The following RB1 variants were observed in gnomAD, a reference collection of about 807,000 sequenced individuals.
RB1 encodes RB transcriptional corepressor 1.
RB1 carries 18 observed loss-of-function variants against 135.4 expected under a neutral mutation model. The observed-to-expected ratio is 0.13, with a 90% CI of 0.09 to 0.20. The LOEUF (loss-of-function observed/expected upper bound fraction) is 0.20, where lower values mean the gene tolerates loss of function less well. Among genes scored for constraint, RB1 ranks in the 10% least tolerant of loss-of-function variants. The probability of loss-of-function intolerance (pLI) is 1.00; values close to 1 mark genes in which losing one functional copy is unlikely to be tolerated. For synonymous variants in RB1, 365 were observed against 373.2 expected (o/e 0.98, Z 0.25); for missense variants, 868 against 1,110.0 (o/e 0.78, Z 3.10).
At chr13:48,323,411 CTTT>C (rs1952258396) in intron 2 of RB1, among the ~76,000 whole-genome samples, 1 of 151,644 alleles carries the variant, frequency 6.6e-6, no homozygotes, top group Non-Finnish European at 1.5e-5. Flanking sequence ...AGCCTTCTCT[CTTT>C]TATCTTGGTC....
intron 6 of RB1, among the ~76,000 whole-genome samples, chr13:48,350,625 C>T (rs1297936641): frequency 6.6e-6 from 1 of 152,114 alleles, no homozygotes; most frequent in Non-Finnish European, 1.5e-5. Flanking sequence ...TGGTTTGTTA[C>T]ATAGGTAAAC....
chr13:48,464,265 T>A (rs56002510), intron 21 of RB1, among the ~76,000 whole-genome samples: 29 of 152,298 alleles, frequency 1.9e-4, no homozygotes, highest in African/African-American at 7.0e-4. Context: ...AGAGAAATAG[T>A]AGTAGTAAAA....
chr13:48,416,923 G>T (rs1340530065), intron 17 of RB1, among the ~76,000 whole-genome samples: 1 of 152,176 alleles, frequency 6.6e-6, no homozygotes, highest in Non-Finnish European at 1.5e-5. Context: ...CCAGTCAGGG[G>T]CTTATAGATA....
intron 17 of RB1, among the ~76,000 whole-genome samples, chr13:48,449,723 C>CT (rs1949314375): frequency 6.6e-6 from 1 of 151,726 alleles, no homozygotes; most frequent in African/African-American, 2.4e-5. Context: ...GACCCTGTCT[C>CT]TTAAAAAAAA....
intron 17 of RB1, among the ~76,000 whole-genome samples, chr13:48,418,051 A>G (rs1948943155): frequency 6.6e-6 from 1 of 152,186 alleles, no homozygotes; most frequent in Non-Finnish European, 1.5e-5. Context: ...ATACTCCTCA[A>G]GAAGAGCAAC....
intron 17 of RB1, chr13:48,411,892 T>C (rs1948813132): frequency 6.2e-7 from 1 of 1,613,648 alleles, no homozygotes; most frequent in South Asian, 1.1e-5. Flanking sequence ...AGATATGTTT[T>C]CCATGTGGCT....
chr13:48,356,892 T>C (rs1458705382), intron 6 of RB1, among the ~76,000 whole-genome samples: 1 of 152,074 alleles, frequency 6.6e-6, no homozygotes, highest in Non-Finnish European at 1.5e-5. Context: ...GAAGGACAGC[T>C]TTGTCATGTA....
intron 17 of RB1, among the ~76,000 whole-genome samples, chr13:48,396,384 C>A (rs957404278): frequency 2.0e-5 from 3 of 152,142 alleles, no homozygotes; most frequent in African/African-American, 7.2e-5. Context: ...TTGACAAAAA[C>A]AACCAATGGG....
Position 48,433,599 on chromosome 13 carries a change from C to T in RB1, c.1696-19394C>T, listed in dbSNP as rs80038026. ...AAATGAAACCATTTTTTATAACTTA[C>T]ACCAAATATTATGACAAAAGCATAA... On this transcript the variant is annotated intron_variant, in intron 17 of 26. Coordinates refer to ENST00000267163, the MANE Select transcript of RB1 (RefSeq NM_000321.3). Among the ~76,000 whole-genome samples the T allele has an allele frequency of 5.1e-3, 778 of 151,936 alleles. 7 individuals are homozygous for T. Among genetic ancestry groups the T allele is most frequent in the African/African-American group, 0.018 (747 of 41,502 alleles).
chr13:48,357,343 C>T (rs1045341299), intron 6 of RB1, among the ~76,000 whole-genome samples: 14 of 151,826 alleles, frequency 9.2e-5, no homozygotes, highest in African/African-American at 3.4e-4. Context: ...CCATTTTGAG[C>T]TAAACTATTT....
chr13:48,424,834 C>T (rs1949056805), intron 17 of RB1, among the ~76,000 whole-genome samples: 1 of 152,140 alleles, frequency 6.6e-6, no homozygotes, highest in South Asian at 2.1e-4. Context: ...GGGCAGACCT[C>T]TTGAGGTCAG....
intron 17 of RB1, among the ~76,000 whole-genome samples, chr13:48,450,648 C>G (rs1211131121): frequency 2.6e-5 from 4 of 152,164 alleles, no homozygotes; most frequent in African/African-American, 4.8e-5. Context: ...TATTTGCGCT[C>G]TTTTTTGATT....
intron 19 of RB1, among the ~76,000 whole-genome samples, chr13:48,457,156 A>G (rs1566234384): frequency 6.6e-6 from 1 of 152,168 alleles, no homozygotes; most frequent in East Asian, 1.9e-4. Flanking sequence ...TGAGCAATAG[A>G]ACAGCTTAGA....
intron 6 of RB1, among the ~76,000 whole-genome samples, chr13:48,356,196 C>A (rs551358763): frequency 6.6e-6 from 1 of 151,692 alleles, no homozygotes; most frequent in African/African-American, 2.4e-5. Flanking sequence ...TACTATGTAC[C>A]CACAAAAATT....
rs1220408288 is a variant in RB1 at position 48,409,612 on chromosome 13, C to T, written c.1695+28169C>T. Among the ~76,000 whole-genome samples, 3 of 114,988 alleles carry T rather than the reference C, an allele frequency of 2.6e-5. 1 individual carries two copies. Among genetic ancestry groups the T allele is most frequent in the African/African-American group, 1.0e-4 (3 of 29,626 alleles). The allele number at this position is 114,988 out of a possible 152,430, so 75.4% of individuals were successfully genotyped here. A position where few individuals can be genotyped will look rare whatever the true frequency, so the allele number is the denominator to read the frequency against. On this transcript the variant is annotated intron_variant, in intron 17 of 26. Transcript: ENST00000267163. The stretch of plus-strand genomic sequence containing the variant: ...TTTTTTTTTTTTTGAGATGGAGTCT[C>T]GCTCTGTCGCCCGGCTGGAGTGCAG...
At chr13:48,443,561 A>G (rs1949258681) in intron 17 of RB1, among the ~76,000 whole-genome samples, 1 of 152,216 alleles carries the variant, frequency 6.6e-6, no homozygotes, top group Admixed American at 6.5e-5. Context: ...ACATTCAAAT[A>G]AAACCTTTTA....
rs1304973451 is a variant in RB1, at chr13:48,439,034, A to G, written c.1696-13959A>G. Among the ~76,000 whole-genome samples, 5 of 152,184 alleles carry G rather than the reference A, an allele frequency of 3.3e-5. No individual in the cohort carries two copies. The South Asian group carries it at 1.0e-3, about 31-fold the overall frequency. On this transcript the variant is annotated intron_variant, in intron 17 of 26. Transcript: ENST00000267163. ...TAGGGGTAAACAGCAACCTAGAAAC[A>G]TGGTTAAAAGCATGACAATGGGCAA...
intron 11 of RB1, among the ~76,000 whole-genome samples, chr13:48,371,165 C>T (rs905497133): frequency 2.0e-5 from 3 of 152,092 alleles, no homozygotes; most frequent in Non-Finnish European, 2.9e-5. Flanking sequence ...TGGAGTGTAG[C>T]ATGTGCATGA....
At chr13:48,353,330 A>C (rs147490623) in intron 6 of RB1, among the ~76,000 whole-genome samples, 215 of 152,300 alleles carry the variant, frequency 1.4e-3, no homozygotes, top group Middle Eastern at 3.4e-3. Flanking sequence ...TATGCCAATA[A>C]ACTGGAAAAT....
Sources: gnomAD v4.1 joint callset for allele counts (sites outside exome capture counted in the v4.1 genomes callset) on GRCh38, gnomAD v4.1.1 for gene constraint, MANE v1.5 for transcripts, NCBI Gene and HGNC (gene_info 2026-07-23, HGNC 2026-07-21) for gene names.